LAMB3: variants seen among roughly 807,000 people sequenced by gnomAD.
LAMB3 encodes laminin subunit beta-3.
Under a neutral mutation model 140.3 loss-of-function variants are expected in LAMB3, and 104 were observed. The ratio of observed to expected loss-of-function variants is 0.74; its 90% CI spans 0.63 to 0.87. LAMB3 has a LOEUF of 0.87. Ranked by LOEUF, LAMB3 falls within the 40% of genes least tolerant of loss-of-function variation. LAMB3 has a pLI of 0.00. For missense variants in LAMB3, 1,531 were observed against 1,575.2 expected (o/e 0.97, Z 0.47); for synonymous variants, 592 against 602.9 (o/e 0.98, Z 0.26).
chr1:209,630,601 T>C lies in LAMB3; in HGVS notation c.943+14A>G. ...CCCAGACCCTACAGGGGAGGGGTGA[T>C]CCAAAGCTCCTACTTTGGCATTCAT... On this transcript the variant is annotated intron_variant, in intron 9 of 22. Coordinates refer to ENST00000356082, the MANE Select transcript of LAMB3 (RefSeq NM_000228.3). The C allele has an allele frequency of 1.9e-6, 3 of 1,614,110 alleles. No homozygotes were observed. Among genetic ancestry groups the C allele is most frequent in the Non-Finnish European group, 2.5e-6 (3 of 1,180,012 alleles).
intron 19 of LAMB3, 51 bp downstream of exon 19, chr1:209,618,401 A>C (rs369496846): frequency 3.3e-5 from 52 of 1,586,788 alleles, no homozygotes; most frequent in Non-Finnish European, 4.2e-5. Context: ...TTGAGGAGCA[A>C]AACGCCAGCT....
At chr1:209,650,209 A>G (rs2076553978) in intron 2 of LAMB3, 91 bp from the exon 3 acceptor site, 1 of 1,292,442 alleles carries the variant, frequency 7.7e-7, no homozygotes, top group Admixed American at 2.0e-5. Flanking sequence ...TGACATTAGC[A>G]AGATTATATC....
intron 5 of LAMB3, among the ~76,000 whole-genome samples, chr1:209,636,849 T>A (rs1241666897): frequency 6.6e-6 from 1 of 152,232 alleles, no homozygotes; most frequent in Non-Finnish European, 1.5e-5. Flanking sequence ...CCAGCACCTC[T>A]TCTTACCAAT....
intron 3 of LAMB3, among the ~76,000 whole-genome samples, chr1:209,647,719 CT>C (rs2076530490): frequency 6.6e-6 from 1 of 152,154 alleles, no homozygotes; most frequent in Non-Finnish European, 1.5e-5. Context: ...AGTACACCCC[CT>C]ATCTCTAACT....
At chr1:209,647,434 G>A (rs2076527926) in intron 3 of LAMB3, among the ~76,000 whole-genome samples, 1 of 152,218 alleles carries the variant, frequency 6.6e-6, no homozygotes, top group Admixed American at 6.5e-5. Flanking sequence ...AGGCAGAAAT[G>A]TCCAGGGGTC....
chr1:209,637,846 G>T, intron 5 of LAMB3, 62 bp downstream of exon 5: 1 of 1,327,226 alleles, frequency 7.5e-7, no homozygotes, highest in South Asian at 1.2e-5. Flanking sequence ...CTCCTCCATG[G>T]CTCCACGCCC....
At position 209,622,996 on chromosome 1, in the gene LAMB3, G is replaced by T. The variant is rs59260335; in HGVS notation, c.2542C>A (p.Arg848=). Residue 848 remains arginine (R), a synonymous_variant, in exon 17 of 23, where the codon CGG becomes AGG. Transcript: ENST00000356082. The stretch of plus-strand genomic sequence containing the variant: ...GCTGCACTTACCATCTGCCTGGTCC[G>T]CTGGAGCTGGGCATTGAAGCCCCGC... ...QLRGFNAQLQ[R]TRQMIRAAEE... 1.1e-5 allele frequency: 17 copies of T among 1,613,282 alleles called. No homozygotes were observed. The highest frequency in any genetic ancestry group is 1.8e-4 in the Middle Eastern group (1 of 5,508).
In LAMB3 at chr1:209,618,491, G is replaced by T; in HGVS notation, c.2870C>A (p.Ala957Glu). The change falls in exon 19 of 23, where the codon GCG (alanine) becomes GAG (glutamate). Residue 957 changes from alanine (A) to glutamate (E), a missense_variant. Coordinates refer to ENST00000356082, the MANE Select transcript of LAMB3 (RefSeq NM_000228.3). The part of the protein sequence containing the change: ...LVLSQTKQDI[A>E]RARRLQAEAE... ...CTCAGCCTGCAACCGGCGGGCACGC[G>T]CAATGTCCTGCTTGGTCTGGGACAG... 2 of 1,614,204 alleles carry T rather than the reference G, an allele frequency of 1.2e-6. No individual in the cohort carries two copies. Among genetic ancestry groups the T allele is most frequent in the East Asian group, 2.2e-5 (1 of 44,884 alleles).
chr1:209,632,053 C>T (rs1365869661), intron 8 of LAMB3, among the ~76,000 whole-genome samples: 5 of 152,302 alleles, frequency 3.3e-5, no homozygotes, highest in African/African-American at 9.6e-5. Flanking sequence ...TGGAACGTCT[C>T]AAACCCCATC....
In LAMB3 at chr1:209,615,154, G is replaced by C. The variant is rs1263880856; in HGVS notation, c.*117C>G. ...TAGCTACACACCAGGGGTGGTCCAG[G>C]CTGTACTTTAGGCTGCATGAAAGTC... is the stretch of plus-strand genomic sequence containing the variant. On this transcript the variant is annotated 3_prime_UTR_variant, in exon 23 of 23. Coordinates refer to ENST00000356082, the MANE Select transcript of LAMB3 (RefSeq NM_000228.3). 4.4e-6 allele frequency: 6 copies of C among 1,363,422 alleles called. No individual in the cohort carries two copies. Among genetic ancestry groups the C allele is most frequent in the Non-Finnish European group, 6.2e-6 (6 of 971,630 alleles). 84.5% of individuals were successfully genotyped at this position (1,363,422 alleles called of 1,614,324 possible). A position where few individuals can be genotyped will look rare whatever the true frequency, so the allele number is the denominator to read the frequency against.
chr1:209,625,740 C>T lies in LAMB3; in HGVS notation c.1884G>A (p.Lys628=), dbSNP rs770992053. The change falls in exon 14 of 23, where the codon AAG becomes AAA. Residue 628 remains lysine, a synonymous_variant. Coordinates refer to ENST00000356082, the MANE Select transcript of LAMB3 (RefSeq NM_000228.3). Reference sequence around the variant, plus strand: ...CTGCTCGGATCTGCTCAATCTTACTCTTTGCATCTAGGATCCGGGAGGCCA... The same window carrying T: ...CTGCTCGGATCTGCTCAATCTTACTTTTTGCATCTAGGATCCGGGAGGCCA... The part of the protein sequence containing the change: ...RGLASRILDA[K]SKIEQIRAVL... The T allele has an allele frequency of 5.0e-6, 8 of 1,614,052 alleles. No individual in the cohort carries two copies. The highest frequency in any genetic ancestry group is 6.8e-6 in the Non-Finnish European group (8 of 1,180,038).
rs745623000 is a variant in LAMB3, at chr1:209,649,964, C to G, written c.183G>C (p.Glu61Asp). The change falls in exon 3 of 23, where the codon GAG becomes GAC. Residue 61 changes from glutamate to aspartate, a missense_variant and splice_region_variant. Physicochemically the swap from Glu to Asp is conservative, Grantham distance 45. Transcript: ENST00000356082. ...TCCAGTCCTGGGAAGTAGGGCCTAC[C>G]TCGCCATACTGGGTGCAGTAGGTCT... is the stretch of plus-strand genomic sequence containing the variant. ...KPETYCTQYGEWQMKCCKCDS... is the reference protein window; with the variant it reads ...KPETYCTQYGDWQMKCCKCDS... The G allele has an allele frequency of 6.2e-7, 1 of 1,614,194 alleles. No homozygotes were observed. The highest frequency in any genetic ancestry group is 2.2e-5 in the East Asian group (1 of 44,876).
intron 5 of LAMB3, among the ~76,000 whole-genome samples, chr1:209,637,415 T>C (rs2102443951): frequency 6.6e-6 from 1 of 152,126 alleles, no homozygotes; most frequent in African/African-American, 2.4e-5. Flanking sequence ...AAAAGAAGTA[T>C]CTAGAAGGAT....
rs138057063 is a variant in LAMB3, at chr1:209,631,312, T to A, written c.823-577A>T. 2.6e-5 allele frequency among the ~76,000 whole-genome samples: 4 copies of A among 152,328 alleles called. No individual in the cohort carries two copies. In the East Asian group the frequency reaches 7.7e-4, roughly 29 times the overall value. On this transcript the variant is annotated intron_variant, in intron 8 of 22. Transcript: ENST00000356082. ...CAGCTCCCATGTCCTGCTGACAGCA[T>A]AGCAAGATGAACTTCTAGCTGCTCC... is the stretch of plus-strand genomic sequence containing the variant.
chr1:209,622,022 C>G (rs1666213215), intron 18 of LAMB3, among the ~76,000 whole-genome samples: 1 of 152,192 alleles, frequency 6.6e-6, no homozygotes, highest in Admixed American at 6.5e-5. Context: ...GGAAACACCT[C>G]TCTGGGGAGA....
chr1:209,634,771 T>A lies in LAMB3; in HGVS notation c.373-133A>T, dbSNP rs578130843. 5 of 714,928 alleles carry A rather than the reference T, an allele frequency of 7.0e-6. No homozygotes were observed. In the East Asian group the frequency reaches 1.4e-4, roughly 19 times the overall value. 44.3% of individuals were successfully genotyped at this position (714,928 alleles called of 1,614,324 possible). A position where few individuals can be genotyped will look rare whatever the true frequency, so the allele number is the denominator to read the frequency against. ...AGTGGGAGCAAGTGGGCTCGGAGCA[T>A]CCGGGTCCAAACCTCCTGGCATACC... is the stretch of plus-strand genomic sequence containing the variant. On this transcript the variant is annotated intron_variant, in intron 5 of 22. Transcript: ENST00000356082.
intron 21 of LAMB3, 85 bp downstream of exon 21, chr1:209,617,325 G>A (rs1666003708): frequency 7.1e-7 from 1 of 1,411,194 alleles, no homozygotes. Flanking sequence ...TGAGTTTGTG[G>A]TCTTATAAAG....
At chr1:209,642,926 G>C (rs1266014570) in intron 3 of LAMB3, among the ~76,000 whole-genome samples, 1 of 152,224 alleles carries the variant, frequency 6.6e-6, no homozygotes, top group Non-Finnish European at 1.5e-5. Context: ...GGGCACCCAT[G>C]CCTTCTTCTC....
At position 209,629,670 on chromosome 1, in the gene LAMB3, A is replaced by G. The variant is rs1374837020; in HGVS notation, c.1132+67T>C. Reference sequence around the variant, plus strand: ...TGGTGTGCCCAGGAACATGTACTCTATTGTACCCAGAGGAGATGGGGAGTA... The same window carrying G: ...TGGTGTGCCCAGGAACATGTACTCTGTTGTACCCAGAGGAGATGGGGAGTA... On this transcript the variant is annotated intron_variant, in intron 10 of 22. Transcript: ENST00000356082. The G allele has an allele frequency of 1.1e-5, 17 of 1,486,426 alleles. No individual in the cohort carries two copies. The East Asian group carries it at 2.5e-4, about 22-fold the overall frequency. The allele number at this position is 1,486,426 out of a possible 1,614,324, so 92.1% of individuals were successfully genotyped here. A position where few individuals can be genotyped will look rare whatever the true frequency, so the allele number is the denominator to read the frequency against.
Sources: allele counts gnomAD v4.1 joint callset (sites outside exome capture counted in the v4.1 genomes callset), GRCh38; gene constraint gnomAD v4.1.1; transcripts MANE v1.5; gene names NCBI Gene and HGNC (gene_info 2026-07-23, HGNC 2026-07-21).